The following FRAS1 variants were observed in gnomAD, a reference collection of about 807,000 sequenced individuals.
FRAS1 encodes Fraser extracellular matrix complex subunit 1, also known as extracellular matrix organizing protein FRAS1.
In FRAS1, 290 loss-of-function variants were observed where a neutral mutation model predicts 435.2. The ratio of observed to expected loss-of-function variants is 0.67; its 90% CI spans 0.61 to 0.73. The LOEUF is 0.73. FRAS1 is among the 30% of genes least tolerant of loss of function. The pLI is 0.00. For missense variants in FRAS1, 4,860 were observed against 5,001.5 expected, an observed-to-expected ratio of 0.97 and a Z score of 0.85; for synonymous variants, 1,800 against 1,851.0, an observed-to-expected ratio of 0.97 and a Z score of 0.71.
At chr4:78,423,302 G>T (rs1006145980) in intron 34 of FRAS1, among the ~76,000 whole-genome samples, 10 of 152,030 alleles carry the variant, frequency 6.6e-5, no homozygotes, top group Non-Finnish European at 1.2e-4. Flanking sequence ...GAGTAGCTGG[G>T]ATTACAGATG....
Position 78,479,664 on chromosome 4 carries a change from G to A in FRAS1, c.8389G>A (p.Asp2797Asn), listed in dbSNP as rs1440589888. 1.2e-6 allele frequency: 2 copies of A among 1,612,106 alleles called. No individual in the cohort carries two copies. The highest frequency in any genetic ancestry group is 1.1e-5 in the South Asian group (1 of 90,752). ...CAAGGTGCTCATTAGTGGTCCCAAC[G>A]ATGCCTCGACTGTGTCCCTGGGCAA... ...TAKVLISGPN[D>N]ASTVSLGNTA... The change falls in exon 56 of 74, where the codon GAT (aspartate) becomes AAT (asparagine). Residue 2797 changes from aspartate to asparagine, a missense_variant. Coordinates refer to ENST00000512123, the MANE Select transcript of FRAS1 (RefSeq NM_025074.7).
intron 1 of FRAS1, among the ~76,000 whole-genome samples, chr4:78,064,198 T>G: frequency 6.6e-6 from 1 of 150,774 alleles, no homozygotes; most frequent in East Asian, 1.9e-4. Context: ...ACTTAAAGAA[T>G]AATAATAAAA....
rs1446725348 is a variant in FRAS1, at chr4:78,519,360, A to G, written c.10419A>G (p.Thr3473=). The G allele has an allele frequency of 1.3e-6, 2 of 1,582,638 alleles. No homozygotes were observed. Among genetic ancestry groups the G allele is most frequent in the African/African-American group, 1.4e-5 (1 of 72,698 alleles). ...QVRDSAQSFL[T]VHVPLYVSYI... is the part of the protein sequence containing the mutation. ...GGGACTCTGCCCAGTCCTTCTTGAC[A>G]GTGCACGTGCCTCTATATGTGTCCT... is the stretch of plus-strand genomic sequence containing the variant. The change falls in exon 67 of 74, where the codon ACA becomes ACG. Residue 3473 remains threonine (T), a synonymous_variant. Coordinates refer to ENST00000512123, the MANE Select transcript of FRAS1 (RefSeq NM_025074.7).
At chr4:78,252,242 A>T in intron 4 of FRAS1, 150 bp from the exon 5 acceptor site, 1 of 667,332 alleles carries the variant, frequency 1.5e-6, no homozygotes, top group South Asian at 2.5e-5. Flanking sequence ...TGCAAATTCC[A>T]CTCTCAACCT....
At chr4:78,254,924 C>A (rs1335413435) in intron 5 of FRAS1, among the ~76,000 whole-genome samples, 1 of 152,094 alleles carries the variant, frequency 6.6e-6, no homozygotes, top group African/African-American at 2.4e-5. Context: ...GCGCATGCAA[C>A]CTCCTGGCAC....
At chr4:78,498,983 G>A (rs572649818) in intron 60 of FRAS1, among the ~76,000 whole-genome samples, 1 of 152,172 alleles carries the variant, frequency 6.6e-6, no homozygotes, top group Admixed American at 6.5e-5. Flanking sequence ...GAGTAGCTGC[G>A]ACCACAGGCA....
intron 60 of FRAS1, 36 bp from the exon 61 acceptor site, chr4:78,499,685 T>C (rs1720616946): frequency 6.3e-7 from 1 of 1,589,676 alleles, no homozygotes; most frequent in African/African-American, 1.3e-5. Context: ...TGTGCTATTC[T>C]AACTGGCTCT....
intron 65 of FRAS1, 45 bp from the exon 66 acceptor site, chr4:78,515,754 A>G: frequency 6.3e-7 from 1 of 1,582,264 alleles, no homozygotes; most frequent in Non-Finnish European, 8.7e-7. Context: ...GCTCCTTGGC[A>G]TCCACAAACC....
chr4:78,098,727 G>A (rs1245607481), intron 2 of FRAS1, among the ~76,000 whole-genome samples: 2 of 152,182 alleles, frequency 1.3e-5, no homozygotes, highest in Non-Finnish European at 2.9e-5. Flanking sequence ...CCCTAAATAG[G>A]AGCTACATGA....
intron 31 of FRAS1, among the ~76,000 whole-genome samples, chr4:78,409,656 A>G (rs6815766): frequency 0.38 from 57,671 of 152,092 alleles, 10,926 homozygotes; most frequent in African/African-American, 0.39. Flanking sequence ...GAAATACAAA[A>G]GAATAAGGAA....
Position 78,519,431 on chromosome 4 carries a change from A to G in FRAS1, c.10490A>G (p.His3497Arg), listed in dbSNP as rs758045987. 1 of 1,611,540 alleles carries G rather than the reference A, an allele frequency of 6.2e-7. No individual in the cohort carries two copies. The highest frequency in any genetic ancestry group is 8.5e-7 in the Non-Finnish European group (1 of 1,179,044). ...APRGWASLEH[H>R]TEMEFSFFYD... is the part of the protein sequence containing the mutation. ...AGGGGCTGGGCCTCCTTGGAGCACC[A>G]CACCGAGATGGAGTTTTCTTTCTTC... is the stretch of plus-strand genomic sequence containing the variant. Residue 3497 changes from histidine (H) to arginine (R), a missense_variant, in exon 67 of 74, where the codon CAC becomes CGC. Coordinates refer to ENST00000512123, the MANE Select transcript of FRAS1 (RefSeq NM_025074.7).
chr4:78,513,831 A>T (rs1174084309), intron 65 of FRAS1, among the ~76,000 whole-genome samples: 2 of 152,234 alleles, frequency 1.3e-5, no homozygotes, highest in East Asian at 3.8e-4. Context: ...AGTGGGAATA[A>T]CAATTGCTAC....
chr4:78,385,129 C>G (rs1171363684), intron 28 of FRAS1, among the ~76,000 whole-genome samples: 1 of 152,142 alleles, frequency 6.6e-6, no homozygotes, highest in Non-Finnish European at 1.5e-5. Flanking sequence ...ACTCACCTCT[C>G]ATCATTCATC....
intron 2 of FRAS1, among the ~76,000 whole-genome samples, chr4:78,078,068 A>C (rs771871072): frequency 6.6e-6 from 1 of 152,152 alleles, no homozygotes; most frequent in Non-Finnish European, 1.5e-5. Context: ...CAATATGCAC[A>C]CTGTTTGGCT....
At chr4:78,228,349 C>T (rs1724361306) in intron 2 of FRAS1, among the ~76,000 whole-genome samples, 1 of 152,130 alleles carries the variant, frequency 6.6e-6, no homozygotes, top group Non-Finnish European at 1.5e-5. Context: ...CTGTGGTTAA[C>T]ATCTCTAGGA....
chr4:78,411,301 A>G (rs34108240), intron 31 of FRAS1, among the ~76,000 whole-genome samples: 54,419 of 151,660 alleles, frequency 0.36, 9,829 homozygotes, highest in Admixed American at 0.38. Flanking sequence ...TAGTAGAGAC[A>G]GGATTTCACC....
intron 31 of FRAS1, among the ~76,000 whole-genome samples, chr4:78,412,292 A>T (rs929789402): frequency 6.6e-6 from 1 of 152,262 alleles, no homozygotes; most frequent in Non-Finnish European, 1.5e-5. Context: ...CACATGGCTT[A>T]GCAAACAATG....
chr4:78,412,829 T>C, intron 31 of FRAS1, 140 bp from the exon 32 acceptor site: 1 of 436,524 alleles, frequency 2.3e-6, no homozygotes, highest in Non-Finnish European at 4.1e-6. Flanking sequence ...AATATTAAAA[T>C]ATGAAGGGCA....
chr4:78,323,822 T>C (rs11721839), intron 18 of FRAS1, among the ~76,000 whole-genome samples: 42,997 of 151,964 alleles, frequency 0.28, 6,488 homozygotes, highest in Non-Finnish European at 0.33. Context: ...ATTCTTCTTC[T>C]ACTATGGTTG....
Sources: allele counts gnomAD v4.1 joint callset (sites outside exome capture counted in the v4.1 genomes callset), GRCh38; gene constraint gnomAD v4.1.1; transcripts MANE v1.5; gene names NCBI Gene and HGNC (gene_info 2026-07-23, HGNC 2026-07-21).